The following WWP1 variants were observed in gnomAD, a reference collection of about 807,000 sequenced individuals.
WWP1 encodes the protein NEDD4-like E3 ubiquitin-protein ligase WWP1.
Under a neutral mutation model 130.6 loss-of-function variants are expected in WWP1, and 49 were observed. The observed-to-expected ratio is 0.38, with a 90% CI of 0.30 to 0.48. The LOEUF (loss-of-function observed/expected upper bound fraction) is 0.48, where lower values mean the gene tolerates loss of function less well. WWP1 is among the 20% of genes least tolerant of loss of function. WWP1 has a pLI of 0.99. For missense variants in WWP1, 809 were observed against 1,100.6 expected, an observed-to-expected ratio of 0.74 and a Z score of 3.75; for synonymous variants, 332 against 367.8, an observed-to-expected ratio of 0.90 and a Z score of 1.11.
At chr8:86,392,552 A>G (rs560897512) in intron 5 of WWP1, among the ~76,000 whole-genome samples, 19 of 152,222 alleles carry the variant, frequency 1.2e-4, no homozygotes, top group Non-Finnish European at 2.5e-4. Context: ...AATTATGTCC[A>G]AAATGATTTA....
At position 86,457,412 on chromosome 8, in the gene WWP1, T is replaced by C. The variant is rs1022593213; in HGVS notation, c.2395-509T>C. ...ATAGCCAGTTTGGGGGAGATCTATC[T>C]GTCTGTCTGTCTGTCTGTCTATCTA... On this transcript the variant is annotated intron_variant, in intron 21 of 24. Coordinates refer to ENST00000517970, the MANE Select transcript of WWP1 (RefSeq NM_007013.4). Among the ~76,000 whole-genome samples, 17 of 63,572 alleles carry C rather than the reference T, an allele frequency of 2.7e-4. 1 individual carries two copies. In the South Asian group the frequency reaches 5.0e-3, roughly 19 times the overall value. The allele number at this position is 63,572 out of a possible 152,430, so 41.7% of individuals were successfully genotyped here. A position where few individuals can be genotyped will look rare whatever the true frequency, so the allele number is the denominator to read the frequency against.
chr8:86,403,595 A>G (rs890503105), intron 8 of WWP1, among the ~76,000 whole-genome samples: 10 of 152,158 alleles, frequency 6.6e-5, no homozygotes, highest in African/African-American at 1.7e-4. Flanking sequence ...GTGCCTGGAC[A>G]GTAATAAGTC....
At chr8:86,445,949 G>GTCTTTTCTTTTCTTTTCTTT in intron 18 of WWP1, among the ~76,000 whole-genome samples, 1 of 109,160 alleles carries the variant, frequency 9.2e-6, no homozygotes. Context: ...CTGCTTATAT[G>GTCTTTTCTTTTCTTTTCTTT]TCTTTTCTTT....
At chr8:86,345,094 C>T (rs1344574284) in intron 1 of WWP1, among the ~76,000 whole-genome samples, 1 of 152,072 alleles carries the variant, frequency 6.6e-6, no homozygotes, top group Non-Finnish European at 1.5e-5. Context: ...AGGATCTGAG[C>T]TGTGGTGCAC....
intron 23 of WWP1, chr8:86,461,545 A>G (rs1455704825): frequency 1.6e-6 from 1 of 623,660 alleles, no homozygotes; most frequent in African/African-American, 1.9e-5. Flanking sequence ...CCCTATGGTG[A>G]CTGTGAAGGG....
intron 1 of WWP1, among the ~76,000 whole-genome samples, chr8:86,356,903 G>A (rs1823290348): frequency 6.7e-6 from 1 of 149,966 alleles, no homozygotes; most frequent in Admixed American, 6.6e-5. Context: ...TTCCACAACT[G>A]TAAGCATAAA....
chr8:86,465,824 TTGC>T, intron 24 of WWP1, among the ~76,000 whole-genome samples: 1 of 152,362 alleles, frequency 6.6e-6, no homozygotes. Context: ...GTCTGCTTAG[TTGC>T]TGCTATTAAT....
chr8:86,461,823 T>G lies in WWP1; in HGVS notation c.2646T>G (p.Thr882=). The G allele has an allele frequency of 1.9e-6, 3 of 1,614,036 alleles. No homozygotes were observed. The highest frequency in any genetic ancestry group is 2.5e-6 in the Non-Finnish European group (3 of 1,179,946). The change falls in exon 24 of 25, where the codon ACT becomes ACG. Residue 882 remains threonine (T), a synonymous_variant. Coordinates refer to ENST00000517970, the MANE Select transcript of WWP1 (RefSeq NM_007013.4). ...GCATTGAAAAAGTTGGCAAAGACACTTGGTTACCAAGAAGCCATACATGGT... is the reference window on the plus strand; with the variant it reads ...GCATTGAAAAAGTTGGCAAAGACACGTGGTTACCAAGAAGCCATACATGGT... The part of the protein sequence containing the change: ...KFCIEKVGKD[T]WLPRSHTCFN...
intron 20 of WWP1, among the ~76,000 whole-genome samples, chr8:86,448,950 T>C (rs528156078): frequency 3.0e-4 from 45 of 152,190 alleles, no homozygotes; most frequent in African/African-American, 1.1e-3. Flanking sequence ...TCTGCCTTAG[T>C]CTCCTGAGTA....
At chr8:86,407,383 C>T (rs953707656) in intron 8 of WWP1, among the ~76,000 whole-genome samples, 7 of 152,152 alleles carry the variant, frequency 4.6e-5, no homozygotes, top group Admixed American at 4.6e-4. Flanking sequence ...TCAATTTCAG[C>T]ACTGTTGACA....
chr8:86,345,571 G>A (rs1164731843), intron 1 of WWP1, among the ~76,000 whole-genome samples: 1 of 151,822 alleles, frequency 6.6e-6, no homozygotes, highest in African/African-American at 2.4e-5. Context: ...CACCACACCC[G>A]GCTAATTTTT....
intron 5 of WWP1, among the ~76,000 whole-genome samples, chr8:86,392,681 T>G (rs1194819918): frequency 6.6e-6 from 1 of 152,224 alleles, no homozygotes; most frequent in East Asian, 1.9e-4. Flanking sequence ...CTCTTTAGCC[T>G]TATTAACTGA....
At chr8:86,465,085 A>C (rs1811974956) in intron 24 of WWP1, among the ~76,000 whole-genome samples, 1 of 152,144 alleles carries the variant, frequency 6.6e-6, no homozygotes, top group African/African-American at 2.4e-5. Context: ...TTTTGAGAGA[A>C]AGAAGGAATT....
intron 18 of WWP1, among the ~76,000 whole-genome samples, chr8:86,447,111 A>G (rs1787406219): frequency 6.6e-6 from 1 of 152,212 alleles, no homozygotes. Flanking sequence ...GTGATGAAAT[A>G]CAACTGTCGG....
intron 8 of WWP1, among the ~76,000 whole-genome samples, chr8:86,410,242 ATGATCTATCCAATAAAGGCTTCATAGAAT>A (rs1412203196): frequency 2.0e-5 from 3 of 152,202 alleles, no homozygotes; most frequent in African/African-American, 7.2e-5. Flanking sequence ...TAACATAAGA[ATGATCTATCCAATAAAGGCTTCATAGAAT>A]TTTCTCAAAA....
rs897858423 is a variant in WWP1, at chr8:86,405,755, C to G, written c.724+3552C>G. 7.9e-5 allele frequency among the ~76,000 whole-genome samples: 12 copies of G among 152,258 alleles called. 1 individual carries two copies. The highest frequency in any genetic ancestry group is 5.2e-4 in the Admixed American group (8 of 15,288). On this transcript the variant is annotated intron_variant, in intron 8 of 24. Coordinates refer to ENST00000517970, the MANE Select transcript of WWP1 (RefSeq NM_007013.4). Reference sequence around the variant, plus strand: ...CCATATTGCCCAGGCTAGTCTCAATCTCCTGGCCCCAAGCAATCATCCCAC... The same window carrying G: ...CCATATTGCCCAGGCTAGTCTCAATGTCCTGGCCCCAAGCAATCATCCCAC...
intron 14 of WWP1, among the ~76,000 whole-genome samples, chr8:86,432,960 C>G (rs535647498): frequency 6.6e-6 from 1 of 152,298 alleles, no homozygotes; most frequent in East Asian, 1.9e-4. Flanking sequence ...GCATGGTTGT[C>G]TCTGTATTGC....
chr8:86,361,979 T>TATATATATATACATATATATACACAC (rs1823633451), intron 1 of WWP1, among the ~76,000 whole-genome samples: 2 of 113,160 alleles, frequency 1.8e-5, no homozygotes, highest in Admixed American at 8.6e-5. Flanking sequence ...TGTGTGTATA[T>TATATATATATACATATATATACACAC]ATATATATAT....
chr8:86,401,655 A>G (rs1406793644), intron 7 of WWP1, among the ~76,000 whole-genome samples: 1 of 152,120 alleles, frequency 6.6e-6, no homozygotes, highest in African/African-American at 2.4e-5. Flanking sequence ...TTTAAAATAG[A>G]TTAATATTAG....
Sources: gnomAD v4.1 joint callset for allele counts (sites outside exome capture counted in the v4.1 genomes callset) on GRCh38, gnomAD v4.1.1 for gene constraint, MANE v1.5 for transcripts, NCBI Gene and HGNC (gene_info 2026-07-23, HGNC 2026-07-21) for gene names.